The following OR1J2 variants were observed in gnomAD, a reference collection of about 807,000 sequenced individuals.
The protein encoded by OR1J2 is olfactory receptor family 1 subfamily J member 2.
For missense variants in OR1J2, 304 were observed against 246.1 expected, an observed-to-expected ratio of 1.24 and a Z score of -1.57; for synonymous variants, 142 against 99.7, an observed-to-expected ratio of 1.42 and a Z score of -2.52.
At chr9:122,526,278 T>G in the OR1J2 span, 2 of 729,038 alleles carry the variant, frequency 2.7e-6, no homozygotes, top group Non-Finnish European at 4.2e-6. Flanking sequence ...TTATGGCTAG[T>G]GTGTGGTAGA....
At chr9:122,570,444 G>C in the OR1J2 span, among the ~76,000 whole-genome samples, 12 of 152,096 alleles carry the variant, frequency 7.9e-5, no homozygotes, top group Admixed American at 7.9e-4. Flanking sequence ...TTTATATATT[G>C]ATGTACTAAA....
the OR1J2 span, among the ~76,000 whole-genome samples, chr9:122,580,101 T>G: frequency 6.6e-6 from 1 of 152,092 alleles, no homozygotes; most frequent in African/African-American, 2.4e-5. Flanking sequence ...GGACTTCAGC[T>G]GCCGCTCCTA....
the OR1J2 span, among the ~76,000 whole-genome samples, chr9:122,503,715 T>C: frequency 6.6e-6 from 1 of 152,146 alleles, no homozygotes; most frequent in Non-Finnish European, 1.5e-5. Flanking sequence ...CCACTCTTAC[T>C]CCCTCCAGGC....
the OR1J2 span, among the ~76,000 whole-genome samples, chr9:122,561,675 G>C: frequency 1.3e-5 from 2 of 152,104 alleles, no homozygotes; most frequent in Admixed American, 6.5e-5. Flanking sequence ...ATGTCACTGG[G>C]GGAAGCTGGA....
At chr9:122,495,026 G>C in the OR1J2 span, among the ~76,000 whole-genome samples, 2 of 152,164 alleles carry the variant, frequency 1.3e-5, no homozygotes, top group African/African-American at 4.8e-5. Context: ...ATCCCTTCTA[G>C]TTTGTAGGGT....
At chr9:122,568,881 G>C in the OR1J2 span, among the ~76,000 whole-genome samples, 54 of 152,176 alleles carry the variant, frequency 3.5e-4, no homozygotes, top group Admixed American at 7.2e-4. Flanking sequence ...TACAAAATAT[G>C]TAGTATAGCA....
chr9:122,539,191 A>G, the OR1J2 span, among the ~76,000 whole-genome samples: 1 of 152,164 alleles, frequency 6.6e-6, no homozygotes, highest in Non-Finnish European at 1.5e-5. Flanking sequence ...ATATGTATAC[A>G]TGTGTCATGT....
chr9:122,554,288 T>TA, the OR1J2 span: 166,685 of 544,564 alleles, frequency 0.31, 14,316 homozygotes, highest in African/African-American at 0.43. Context: ...GTTAGGGATG[T>TA]AAAAAAAAAA....
chr9:122,511,248 G>T lies in OR1J2; in HGVS notation c.447G>T (p.Trp149Cys). 1 of 757,160 alleles carries T rather than the reference G, an allele frequency of 1.3e-6. No homozygotes were observed. Among genetic ancestry groups the T allele is most frequent in the Non-Finnish European group, 2.5e-6 (1 of 407,700 alleles). 46.9% of individuals were successfully genotyped at this position (757,160 alleles called of 1,614,324 possible). The change falls in exon 1 of 1, where the codon TGG becomes TGT. Residue 149 changes from tryptophan to cysteine, a missense_variant. By Grantham distance (215) the Trp-to-Cys change is radical (BLOSUM62 -2). Coordinates refer to ENST00000335302, the MANE Select transcript of OR1J2 (RefSeq NM_054107.1). The stretch of plus-strand genomic sequence containing the variant: ...GTGTCTTCTTAGTGGCTGTATCTTG[G>T]ATTCTGTCTTGTGCCAGCTCCCTCT... ...ELCVFLVAVS[W>C]ILSCASSLSH...
the OR1J2 span, among the ~76,000 whole-genome samples, chr9:122,464,779 C>T: frequency 6.6e-6 from 1 of 152,180 alleles, no homozygotes; most frequent in Non-Finnish European, 1.5e-5. Context: ...GCGTTCCCTC[C>T]CTTTGGTAGC....
At chr9:122,568,045 G>C in the OR1J2 span, 1 of 1,613,942 alleles carries the variant, frequency 6.2e-7, no homozygotes, top group Middle Eastern at 1.6e-4. Context: ...AAGGCCACCA[G>C]CAGGACACAG....
downstream of OR1J2, among the ~76,000 whole-genome samples, chr9:122,512,133 T>C (rs1333206356): frequency 6.6e-6 from 1 of 152,232 alleles, no homozygotes; most frequent in African/African-American, 2.4e-5. Context: ...CTCTCTAATG[T>C]AGACTGAGTG....
At chr9:122,569,859 G>C in the OR1J2 span, among the ~76,000 whole-genome samples, 6 of 151,192 alleles carry the variant, frequency 4.0e-5, no homozygotes, top group South Asian at 2.1e-4. Context: ...TCCCCAGAGT[G>C]TGATGTTCCC....
At chr9:122,567,335 A>G in the OR1J2 span, 1 of 426,766 alleles carries the variant, frequency 2.3e-6, no homozygotes, top group Non-Finnish European at 4.1e-6. Context: ...TCTTTCCAAG[A>G]AAGAGGAGAC....
chr9:122,501,202 T>C, the OR1J2 span, among the ~76,000 whole-genome samples: 1 of 152,228 alleles, frequency 6.6e-6, no homozygotes, highest in Non-Finnish European at 1.5e-5. Context: ...TTTTCTTTTA[T>C]AAGTAATAAA....
At chr9:122,511,994 A>G (rs1293963819), downstream of OR1J2, among the ~76,000 whole-genome samples, 6 of 152,230 alleles carry the variant, frequency 3.9e-5, no homozygotes, top group Non-Finnish European at 8.8e-5. Flanking sequence ...GGACATAATA[A>G]TGCAATAATA....
the OR1J2 span, among the ~76,000 whole-genome samples, chr9:122,560,116 T>C: frequency 0.27 from 41,323 of 152,000 alleles, 5,761 homozygotes; most frequent in Middle Eastern, 0.34. Flanking sequence ...TTTTGTTGGT[T>C]TAAAATCTGT....
upstream of OR1J2, among the ~76,000 whole-genome samples, chr9:122,508,197 AAGG>A (rs990097306): frequency 3.9e-4 from 57 of 146,246 alleles, 1 homozygote; most frequent in Admixed American, 2.0e-3. Context: ...GAAGAAGAAG[AAGG>A]AGGAGAAGGA....
chr9:122,574,448 T>G, the OR1J2 span, among the ~76,000 whole-genome samples: 1 of 152,028 alleles, frequency 6.6e-6, no homozygotes, highest in Non-Finnish European at 1.5e-5. Context: ...TTTTGGGGGG[T>G]GCTAATGTAA....
Sources: allele counts gnomAD v4.1 joint callset (sites outside exome capture counted in the v4.1 genomes callset), GRCh38; gene constraint gnomAD v4.1.1; transcripts MANE v1.5; gene names NCBI Gene and HGNC (gene_info 2026-07-23, HGNC 2026-07-21).